The following THAP4 variants were observed in gnomAD, a reference collection of about 807,000 sequenced individuals.
THAP4 encodes THAP domain containing 4, also known as peroxynitrite isomerase THAP4.
A neutral mutation model predicts 48.1 loss-of-function variants in THAP4; 18 were observed. The ratio of observed to expected loss-of-function variants is 0.37; its 90% CI spans 0.26 to 0.56. The LOEUF is 0.56. THAP4 is among the 20% of genes least tolerant of loss of function. THAP4 has a pLI of 0.78. For missense variants in THAP4, 656 were observed against 774.9 expected (o/e 0.85, Z 1.82); for synonymous variants, 345 against 324.9 (o/e 1.06, Z -0.66).
At chr2:241,622,966 C>A (rs1052130273) in intron 2 of THAP4, among the ~76,000 whole-genome samples, 1 of 152,064 alleles carries the variant, frequency 6.6e-6, no homozygotes, top group Non-Finnish European at 1.5e-5. Flanking sequence ...GGCTGTAATC[C>A]CAGCACTTTG....
intron 5 of THAP4, among the ~76,000 whole-genome samples, chr2:241,599,577 A>G (rs1176720364): frequency 6.6e-6 from 1 of 152,240 alleles, no homozygotes; most frequent in Non-Finnish European, 1.5e-5. Context: ...CAAGACCTGT[A>G]TAATTAAAAC....
intron 5 of THAP4, among the ~76,000 whole-genome samples, chr2:241,591,784 C>G (rs1286805550): frequency 6.6e-6 from 1 of 152,126 alleles, no homozygotes; most frequent in East Asian, 1.9e-4. Context: ...CAGAAAAATT[C>G]AGAATACATA....
chr2:241,597,894 TC>T (rs1479619197), intron 5 of THAP4, among the ~76,000 whole-genome samples: 1 of 151,570 alleles, frequency 6.6e-6, no homozygotes, highest in African/African-American at 2.4e-5. Context: ...CTCTGTCTCC[TC>T]CCTCTATTTG....
intron 2 of THAP4, chr2:241,617,324 C>A: frequency 1.0e-6 from 1 of 970,884 alleles, no homozygotes. Context: ...ATTGAAATCT[C>A]AACCAAAACA....
rs954268013 is a variant in THAP4 at position 241,607,371 on chromosome 2, C to T, written c.1241-898G>A. 7.2e-5 allele frequency among the ~76,000 whole-genome samples: 11 copies of T among 152,016 alleles called. No individual in the cohort carries two copies. The South Asian group carries it at 2.1e-3, about 29-fold the overall frequency. ...ATGACCCTCACCCTGGCTGGATGCA[C>T]GGGCCCTGCTCTTACTCATTTTCTA... is the stretch of plus-strand genomic sequence containing the variant. On this transcript the variant is annotated intron_variant, in intron 2 of 5. Transcript: ENST00000407315.
chr2:241,626,068 T>C (rs1034806283), intron 2 of THAP4, among the ~76,000 whole-genome samples: 1 of 152,136 alleles, frequency 6.6e-6, no homozygotes, highest in African/African-American at 2.4e-5. Context: ...AAAAAAATCA[T>C]CTGACACATT....
chr2:241,589,226 A>AG (rs1396462417), intron 5 of THAP4, among the ~76,000 whole-genome samples: 17 of 148,536 alleles, frequency 1.1e-4, no homozygotes, highest in South Asian at 6.3e-4. Context: ...AAAAAAAAAG[A>AG]AAAAGAAAAG....
chr2:241,604,237 A>C (rs2067152414), intron 3 of THAP4, among the ~76,000 whole-genome samples: 2 of 140,048 alleles, frequency 1.4e-5, no homozygotes, highest in African/African-American at 6.1e-5. Context: ...CACCCGGCTA[A>C]TTTATTTATT....
chr2:241,585,927 AAAGAAAAAAAAAAG>A (rs1240908065), intron 5 of THAP4, among the ~76,000 whole-genome samples: 3 of 143,598 alleles, frequency 2.1e-5, no homozygotes, highest in African/African-American at 7.7e-5. Context: ...AAAAAAAAAA[AAAGAAAAAAAAAAG>A]AAAAAGAAAA....
chr2:241,625,797 CAAAAAAAAAAAA>C (rs147602587), intron 2 of THAP4, among the ~76,000 whole-genome samples: 2 of 50,164 alleles, frequency 4.0e-5, no homozygotes, highest in East Asian at 7.9e-4. Context: ...GACTCCGTCT[CAAAAAAAAAAAA>C]AAAAAAAAAA....
upstream of THAP4, chr2:241,637,324 T>G (rs1575045732): frequency 8.0e-7 from 1 of 1,248,166 alleles, no homozygotes. Flanking sequence ...GCGGGGCAAG[T>G]CCGTACCGCG....
chr2:241,624,708 CCA>C (rs2067474799), intron 2 of THAP4, among the ~76,000 whole-genome samples: 1 of 152,194 alleles, frequency 6.6e-6, no homozygotes. Context: ...TAACTCTACC[CCA>C]TTCCTCTTCC....
rs144819651 is a variant in THAP4, at chr2:241,631,527, G to A, written c.1240+1390C>T. 2.1e-4 allele frequency among the ~76,000 whole-genome samples: 32 copies of A among 152,338 alleles called. 2 individuals are homozygous for A. The highest frequency in any genetic ancestry group is 2.0e-3 in the Admixed American group (30 of 15,296). On this transcript the variant is annotated intron_variant, in intron 2 of 5. Coordinates refer to ENST00000407315, the MANE Select transcript of THAP4 (RefSeq NM_015963.6). ...GTCACCTAGGCTGGAGTACAGTGGT[G>A]CAATCACAGCTCACTACAGCCTCGA...
chr2:241,620,669 G>A (rs887339069), intron 2 of THAP4, among the ~76,000 whole-genome samples: 1 of 151,742 alleles, frequency 6.6e-6, no homozygotes, highest in Non-Finnish European at 1.5e-5. Flanking sequence ...GGTGACTGAG[G>A]CAGTGACTGC....
chr2:241,623,348 G>T (rs1432669390), intron 2 of THAP4, among the ~76,000 whole-genome samples: 1 of 152,184 alleles, frequency 6.6e-6, no homozygotes, highest in African/African-American at 2.4e-5. Flanking sequence ...GGGAGGCTGA[G>T]CCAGGCAGAT....
At chr2:241,590,767 G>C (rs1473873856) in intron 5 of THAP4, among the ~76,000 whole-genome samples, 1 of 151,708 alleles carries the variant, frequency 6.6e-6, no homozygotes, top group Non-Finnish European at 1.5e-5. Context: ...CCCGGCTGAT[G>C]ATGAGGGGCA....
At chr2:241,613,027 T>A (rs768600275) in intron 2 of THAP4, among the ~76,000 whole-genome samples, 1 of 152,208 alleles carries the variant, frequency 6.6e-6, no homozygotes, top group African/African-American at 2.4e-5. Flanking sequence ...AAATATATTA[T>A]TAAAATCGAT....
rs111452802 is a variant in THAP4, at chr2:241,629,312, A to T, written c.1240+3605T>A. 8.5e-3 allele frequency among the ~76,000 whole-genome samples: 1,294 copies of T among 152,014 alleles called. 21 individuals carry two copies. Among genetic ancestry groups the T allele is most frequent in the African/African-American group, 0.03 (1,245 of 41,456 alleles). On this transcript the variant is annotated intron_variant, in intron 2 of 5. Transcript: ENST00000407315. ...TAGTAAGACCCTATTGCTACAAAAA[A>T]TTTTAAAAATTAGCCGGATGTGGTG...
chr2:241,590,127 A>G (rs897337375), intron 5 of THAP4, among the ~76,000 whole-genome samples: 1 of 149,766 alleles, frequency 6.7e-6, no homozygotes, highest in East Asian at 2.0e-4. Context: ...GCACTAGGAC[A>G]CTCAGAGCTG....
Sources: gnomAD v4.1 joint callset for allele counts (sites outside exome capture counted in the v4.1 genomes callset) on GRCh38, gnomAD v4.1.1 for gene constraint, MANE v1.5 for transcripts, NCBI Gene and HGNC (gene_info 2026-07-23, HGNC 2026-07-21) for gene names.